The following GSE1 variants were observed in gnomAD, a reference collection of about 807,000 sequenced individuals.
GSE1 encodes Gse1 coiled-coil protein, also known as genetic suppressor element 1.
GSE1 carries 32 observed loss-of-function variants against 112.6 expected under a neutral mutation model. That is an observed-to-expected ratio of 0.28 (90% CI 0.21 to 0.38). The LOEUF is 0.38. Among genes scored for constraint, GSE1 ranks in the 10% least tolerant of loss-of-function variants. The pLI, the probability that GSE1 is intolerant of heterozygous loss-of-function variation, is 1.00. For synonymous variants in GSE1, 1,115 were observed against 735.6 expected, an observed-to-expected ratio of 1.52 and a Z score of -8.35; for missense variants, 2,348 against 1,699.2, an observed-to-expected ratio of 1.38 and a Z score of -6.71.
chr16:85,412,851 G>T (rs910910487), intron 2 of GSE1, among the ~76,000 whole-genome samples: 1 of 152,166 alleles, frequency 6.6e-6, no homozygotes, highest in South Asian at 2.1e-4. Context: ...ATATAAAGCC[G>T]CATTCACAGG....
At chr16:85,531,365 C>T (rs955782656) in intron 2 of GSE1, among the ~76,000 whole-genome samples, 19 of 152,200 alleles carry the variant, frequency 1.2e-4, no homozygotes, top group Admixed American at 1.0e-3. Context: ...CGTCCAGGGC[C>T]GCTGACCCCT....
At chr16:85,510,194 C>T (rs1211217737) in intron 2 of GSE1, among the ~76,000 whole-genome samples, 1 of 152,204 alleles carries the variant, frequency 6.6e-6, no homozygotes. Flanking sequence ...AAAGAAAGTG[C>T]TTTGTGAGCC....
At chr16:85,575,994 G>C (rs1182739883) in intron 1 of GSE1, among the ~76,000 whole-genome samples, 1 of 151,624 alleles carries the variant, frequency 6.6e-6, no homozygotes, top group African/African-American at 2.4e-5. Flanking sequence ...TGGTGTTAGA[G>C]CAGTGACGGG....
Position 85,497,944 on chromosome 16 carries a change from T to C in GSE1, c.2465-135970T>C, listed in dbSNP as rs574591705. Among the ~76,000 whole-genome samples, 90 of 152,158 alleles carry C rather than the reference T, an allele frequency of 5.9e-4. 1 individual carries two copies. The highest frequency in any genetic ancestry group is 1.0e-3 in the Admixed American group (16 of 15,300). On this transcript the variant is annotated intron_variant, in intron 2 of 2. Coordinates refer to the GSE1 transcript ENST00000637419. The stretch of plus-strand genomic sequence containing the variant: ...AAGCCTGGGGAGCTGACATCGCTTT[T>C]ACCAGAAGTCTGTCAGCTGGGAGGT...
intron 2 of GSE1, among the ~76,000 whole-genome samples, chr16:85,636,484 C>A (rs2050007989): frequency 6.6e-6 from 1 of 152,216 alleles, no homozygotes; most frequent in Admixed American, 6.5e-5. Context: ...TTCCTCGTGA[C>A]CTCAGCCACT....
At chr16:85,335,103 A>G (rs1177619875) in intron 1 of GSE1, among the ~76,000 whole-genome samples, 1 of 152,208 alleles carries the variant, frequency 6.6e-6, no homozygotes, top group Non-Finnish European at 1.5e-5. Flanking sequence ...GTGCCTGCGC[A>G]TGTAATTAAA....
At chr16:85,644,379 T>C (rs538952212) in intron 2 of GSE1, among the ~76,000 whole-genome samples, 82 of 149,666 alleles carry the variant, frequency 5.5e-4, no homozygotes, top group African/African-American at 2.0e-3. Context: ...GGCACAGTAC[T>C]GTTGACAGCG....
chr16:85,454,120 T>C (rs1432599876), intron 2 of GSE1, among the ~76,000 whole-genome samples: 1 of 152,176 alleles, frequency 6.6e-6, no homozygotes, highest in African/African-American at 2.4e-5. Context: ...CAAGGCCTGG[T>C]GGTAACCCTG....
chr16:85,495,961 C>T (rs931215973), intron 2 of GSE1, among the ~76,000 whole-genome samples: 18 of 152,312 alleles, frequency 1.2e-4, no homozygotes, highest in Admixed American at 7.8e-4. Context: ...GAGCATCCCT[C>T]GGTCTCAGAC....
At chr16:85,365,215 C>G (rs1328457377) in intron 2 of GSE1, among the ~76,000 whole-genome samples, 1 of 152,238 alleles carries the variant, frequency 6.6e-6, no homozygotes, top group East Asian at 1.9e-4. Context: ...ACACCCGCCC[C>G]CAGTATCCCC....
intron 1 of GSE1, among the ~76,000 whole-genome samples, chr16:85,349,123 A>G (rs2046802365): frequency 6.6e-6 from 1 of 152,202 alleles, no homozygotes; most frequent in African/African-American, 2.4e-5. Context: ...TCCATATCTA[A>G]TAACTTTCCA....
chr16:85,482,724 T>G (rs1269443570), intron 2 of GSE1, among the ~76,000 whole-genome samples: 1 of 152,154 alleles, frequency 6.6e-6, no homozygotes, highest in Non-Finnish European at 1.5e-5. Flanking sequence ...ACCCCTGTAA[T>G]CCCAGCACTT....
intron 2 of GSE1, among the ~76,000 whole-genome samples, chr16:85,525,696 A>G (rs1045002063): frequency 1.3e-5 from 2 of 152,176 alleles, no homozygotes; most frequent in Non-Finnish European, 2.9e-5. Flanking sequence ...TGATTAGACC[A>G]TGGACTTTGC....
intron 2 of GSE1, among the ~76,000 whole-genome samples, chr16:85,377,850 G>T (rs1032730402): frequency 6.6e-6 from 1 of 152,212 alleles, no homozygotes; most frequent in African/African-American, 2.4e-5. Context: ...TGGGGGGAGG[G>T]CATGGGCCCC....
intron 2 of GSE1, among the ~76,000 whole-genome samples, chr16:85,640,093 G>T (rs2050319433): frequency 6.6e-6 from 1 of 152,198 alleles, no homozygotes; most frequent in East Asian, 1.9e-4. Context: ...GTTCTGAGCA[G>T]GTGCTCCTGG....
intron 2 of GSE1, among the ~76,000 whole-genome samples, chr16:85,478,173 C>T (rs2050520608): frequency 6.6e-6 from 1 of 152,178 alleles, no homozygotes; most frequent in Non-Finnish European, 1.5e-5. Context: ...TGCATCTTCA[C>T]GGTTCGTCCG....
rs2052551804 is a variant in GSE1 at position 85,662,954 on chromosome 16, G to A, written c.2261-27G>A. 9 of 1,446,330 alleles carry A rather than the reference G, an allele frequency of 6.2e-6. No homozygotes were observed. The East Asian group carries it at 1.8e-4, about 29-fold the overall frequency. 89.6% of individuals were successfully genotyped at this position (1,446,330 alleles called of 1,614,324 possible). A position where few individuals can be genotyped will look rare whatever the true frequency, so the allele number is the denominator to read the frequency against. On this transcript the variant is annotated intron_variant, in intron 9 of 15. Coordinates refer to ENST00000253458, the MANE Select transcript of GSE1 (RefSeq NM_014615.5). ...CTGGACAGATGAAGGCTCTTTGTCTGGCTGAATACAACCATTTCTCCATCA... is the reference window on the plus strand; with the variant it reads ...CTGGACAGATGAAGGCTCTTTGTCTAGCTGAATACAACCATTTCTCCATCA...
intron 1 of GSE1, among the ~76,000 whole-genome samples, chr16:85,588,695 C>A (rs1052746890): frequency 6.6e-6 from 1 of 152,224 alleles, no homozygotes; most frequent in Admixed American, 6.5e-5. Flanking sequence ...CATAAATCTC[C>A]TATCAACTTG....
chr16:85,581,466 G>A (rs73269285), intron 1 of GSE1, among the ~76,000 whole-genome samples: 4,250 of 152,202 alleles, frequency 0.028, 185 homozygotes, highest in African/African-American at 0.092. Flanking sequence ...TTTAGGATTC[G>A]GATTCTGGGG....
Sources: gnomAD v4.1 joint callset for allele counts (sites outside exome capture counted in the v4.1 genomes callset) on GRCh38, gnomAD v4.1.1 for gene constraint, MANE v1.5 for transcripts, NCBI Gene and HGNC (gene_info 2026-07-23, HGNC 2026-07-21) for gene names.